The following CYBRD1 variants were observed in gnomAD, a reference collection of about 807,000 sequenced individuals.
The protein encoded by CYBRD1 is plasma membrane ascorbate-dependent reductase CYBRD1.
A neutral mutation model predicts 21.9 loss-of-function variants in CYBRD1; 14 were observed. The observed-to-expected ratio is 0.64, with a 90% CI of 0.42 to 1.00. The LOEUF is 1.00. Among genes scored for constraint, CYBRD1 ranks in the 50% least tolerant of loss-of-function variants. The probability of loss-of-function intolerance (pLI) is 0.00; values close to 1 mark genes in which losing one functional copy is unlikely to be tolerated. For missense variants in CYBRD1, 328 were observed against 352.5 expected (o/e 0.93, Z 0.56); for synonymous variants, 146 against 136.5 (o/e 1.07, Z -0.48).
At chr2:171,538,261 T>A (rs1559316414) in intron 1 of CYBRD1, among the ~76,000 whole-genome samples, 1 of 152,096 alleles carries the variant, frequency 6.6e-6, no homozygotes, top group Non-Finnish European at 1.5e-5. Flanking sequence ...TGAAACTCCA[T>A]CTCAAAAAGA....
In CYBRD1 at chr2:171,522,499, C is replaced by T; in HGVS notation, c.-47C>T. 1 of 1,557,896 alleles carries T rather than the reference C, an allele frequency of 6.4e-7. No homozygotes were observed. The highest frequency in any genetic ancestry group is 8.7e-7 in the Non-Finnish European group (1 of 1,152,208). On this transcript the variant is annotated 5_prime_UTR_variant, in exon 1 of 4. Coordinates refer to ENST00000321348, the MANE Select transcript of CYBRD1 (RefSeq NM_024843.4). The surrounding 1 kb of genome is among the most constrained non-coding windows in gnomAD (Gnocchi z 4.3). ...GCCACTACCCAGAGGGCTGCCGCCG[C>T]CTCTCCAAGTTCTTGTGGCCCCCGC...
intron 1 of CYBRD1, 106 bp from the exon 2 acceptor site, chr2:171,541,479 G>T: frequency 8.9e-7 from 1 of 1,124,282 alleles, no homozygotes; most frequent in African/African-American, 1.5e-5. Context: ...CAAAAGCCAA[G>T]GGAAAAAGGT....
intron 1 of CYBRD1, among the ~76,000 whole-genome samples, chr2:171,528,866 A>G (rs1353288421): frequency 3.3e-5 from 5 of 152,240 alleles, no homozygotes; most frequent in Non-Finnish European, 5.9e-5. Context: ...GAAATTATGC[A>G]GTCATCTGTG....
At position 171,522,635 on chromosome 2, in the gene CYBRD1, G is replaced by A; in HGVS notation, c.90G>A (p.Trp30Ter). 6.2e-7 allele frequency: 1 copy of A among 1,613,556 alleles called. No homozygotes were observed. Among genetic ancestry groups the A allele is most frequent in the South Asian group, 1.1e-5 (1 of 90,758 alleles). The change falls in exon 1 of 4, where the codon TGG becomes TGA. Residue 30 changes from tryptophan to a stop codon, truncating the protein, a stop_gained. Coordinates refer to ENST00000321348, the MANE Select transcript of CYBRD1 (RefSeq NM_024843.4). LOFTEE classifies it high-confidence loss of function. The surrounding 1 kb of genome is among the most constrained non-coding windows in gnomAD (Gnocchi z 4.3). ...GFLSVIFALV[W>*]VLHYREGLGW... ...TGTCGGTGATCTTCGCCCTCGTCTG[G>A]GTCCTCCACTACCGAGAGGGGCTTG...
chr2:171,527,172 G>A (rs767163405), intron 1 of CYBRD1, among the ~76,000 whole-genome samples: 1 of 152,086 alleles, frequency 6.6e-6, no homozygotes, highest in Non-Finnish European at 1.5e-5. Flanking sequence ...CAATATTAGC[G>A]ATACAAGGGT....
chr2:171,534,660 A>G (rs16823212), intron 1 of CYBRD1, among the ~76,000 whole-genome samples: 8,411 of 152,268 alleles, frequency 0.055, 728 homozygotes, highest in African/African-American at 0.19. Flanking sequence ...TCCATGTGCT[A>G]GAGGTCACCT....
At position 171,541,725 on chromosome 2, in the gene CYBRD1, A is replaced by T; in HGVS notation, c.334A>T (p.Asn112Tyr). 6.2e-7 allele frequency: 1 copy of T among 1,614,036 alleles called. No homozygotes were observed. The highest frequency in any genetic ancestry group is 1.1e-5 in the South Asian group (1 of 91,074). ...VAVFENHNVN[N>Y]IANMYSLHSW... ...CGTGTTTGAGAACCACAATGTTAAC[A>T]ATATAGCCAATATGTACAGTCTGCA... The change falls in exon 2 of 4, where the codon AAT becomes TAT. Residue 112 changes from asparagine (N) to tyrosine (Y), a missense_variant. By Grantham distance (143) the Asn-to-Tyr change is moderately radical (BLOSUM62 -2). Coordinates refer to ENST00000321348, the MANE Select transcript of CYBRD1 (RefSeq NM_024843.4).
intron 1 of CYBRD1, among the ~76,000 whole-genome samples, chr2:171,539,078 C>T (rs1459486106): frequency 6.6e-6 from 1 of 152,072 alleles, no homozygotes; most frequent in East Asian, 1.9e-4. Context: ...AATTACAGCA[C>T]CGAGTGGCTC....
intron 1 of CYBRD1, among the ~76,000 whole-genome samples, chr2:171,533,672 G>C (rs1423356986): frequency 6.6e-6 from 1 of 152,182 alleles, no homozygotes; most frequent in Non-Finnish European, 1.5e-5. Context: ...TGTCAAACCA[G>C]AGATTACATT....
chr2:171,554,270 C>T (rs1432836422), intron 3 of CYBRD1, among the ~76,000 whole-genome samples: 1 of 152,162 alleles, frequency 6.6e-6, no homozygotes, highest in Non-Finnish European at 1.5e-5. Flanking sequence ...CTGAGGTTGC[C>T]TGCCTCCAGA....
In CYBRD1 at chr2:171,522,937, G is replaced by T. The variant is rs1257593425; in HGVS notation, c.193+199G>T. 3.7e-6 allele frequency: 3 copies of T among 814,612 alleles called. No individual in the cohort carries two copies. The highest frequency in any genetic ancestry group is 5.6e-6 in the Non-Finnish European group (3 of 540,300). The allele number at this position is 814,612 out of a possible 1,614,324, so 50.5% of individuals were successfully genotyped here. On this transcript the variant is annotated intron_variant, in intron 1 of 3. Transcript: ENST00000321348. The surrounding 1 kb of genome is among the most constrained non-coding windows in gnomAD (Gnocchi z 4.3). Reference sequence around the variant, plus strand: ...TGGCTCTGGGGCGGGACAGAGCTGCGGTTCAGGAGGATCGCCGCGAGCGCG... The same window carrying T: ...TGGCTCTGGGGCGGGACAGAGCTGCTGTTCAGGAGGATCGCCGCGAGCGCG...
intron 1 of CYBRD1, chr2:171,523,278 G>T (rs1697337672): frequency 2.3e-6 from 1 of 432,382 alleles, no homozygotes; most frequent in East Asian, 9.3e-5. Flanking sequence ...GCCGGAGCGA[G>T]AATTTGCCCG....
At chr2:171,527,256 T>C (rs1697398586) in intron 1 of CYBRD1, among the ~76,000 whole-genome samples, 1 of 152,334 alleles carries the variant, frequency 6.6e-6, no homozygotes, top group South Asian at 2.1e-4. Flanking sequence ...CAACATATTT[T>C]TTGTTGTAAA....
At position 171,556,032 on chromosome 2, in the gene CYBRD1, A is replaced by C. The variant is rs1456225826; in HGVS notation, c.*1205A>C. On this transcript the variant is annotated 3_prime_UTR_variant, in exon 4 of 4. Coordinates refer to ENST00000321348, the MANE Select transcript of CYBRD1 (RefSeq NM_024843.4). ...GGCAGATTCCCCAGATAACCAAGGAAAAGGGGCCACCCATACCTGGAAATA... is the reference window on the plus strand; with the variant it reads ...GGCAGATTCCCCAGATAACCAAGGACAAGGGGCCACCCATACCTGGAAATA... 1.3e-5 allele frequency: 2 copies of C among 152,250 alleles called. No individual in the cohort carries two copies. Among genetic ancestry groups the C allele is most frequent in the African/African-American group, 4.8e-5 (2 of 41,462 alleles). 9.4% of individuals were successfully genotyped at this position (152,250 alleles called of 1,614,324 possible).
rs142042174 is a variant in CYBRD1 at position 171,536,390 on chromosome 2, C to T, written c.194-5195C>T. On this transcript the variant is annotated intron_variant, in intron 1 of 3. Transcript: ENST00000321348. The stretch of plus-strand genomic sequence containing the variant: ...TATTATCTCTGCTCGCTGCAACCTC[C>T]GCCTCCCGGGTTCAAGCGATCCTCC... Among the ~76,000 whole-genome samples, 145 of 151,584 alleles carry T rather than the reference C, an allele frequency of 9.6e-4. 3 individuals are homozygous for T. The East Asian group carries it at 0.018, about 18-fold the overall frequency.
intron 1 of CYBRD1, among the ~76,000 whole-genome samples, chr2:171,532,875 ATG>A (rs10618404): frequency 0.31 from 45,361 of 147,112 alleles, 6,977 homozygotes; most frequent in Non-Finnish European, 0.35. Flanking sequence ...CCATTTCACG[ATG>A]TGTGTGTGTG....
At position 171,555,267 on chromosome 2, in the gene CYBRD1, TCTGGGACAGGG is replaced by T; in HGVS notation, c.*441_*451del. 4.1e-6 allele frequency: 1 copy of T among 241,178 alleles called. No homozygotes were observed. Among genetic ancestry groups the T allele is most frequent in the Admixed American group, 5.2e-5 (1 of 19,296 alleles). 14.9% of individuals were successfully genotyped at this position (241,178 alleles called of 1,614,324 possible). On this transcript the variant is annotated 3_prime_UTR_variant, in exon 4 of 4. Coordinates refer to ENST00000321348, the MANE Select transcript of CYBRD1 (RefSeq NM_024843.4). ...AAAGTTTAAAATCCGATAAGGAATA[TCTGGGACAGGG>T]TTTAGATCATGACTCTACACAGATA...
At chr2:171,545,615 C>T (rs2105342400) in intron 2 of CYBRD1, among the ~76,000 whole-genome samples, 1 of 149,464 alleles carries the variant, frequency 6.7e-6, no homozygotes, top group South Asian at 2.1e-4. Context: ...TCTCGAACTC[C>T]TGACCTCAAA....
At chr2:171,548,210 C>T (rs1697746468) in intron 2 of CYBRD1, among the ~76,000 whole-genome samples, 1 of 151,916 alleles carries the variant, frequency 6.6e-6, no homozygotes, top group Admixed American at 6.6e-5. Flanking sequence ...AGCGTTTGGT[C>T]CCTAGAACAG....
Sources: gnomAD v4.1 joint callset for allele counts (sites outside exome capture counted in the v4.1 genomes callset) on GRCh38, gnomAD v4.1.1 for gene constraint, Gnocchi (gnomAD v3.1) non-coding constraint, MANE v1.5 for transcripts, NCBI Gene and HGNC (gene_info 2026-07-23, HGNC 2026-07-21) for gene names.